The following ATRNL1 variants were observed in gnomAD, a reference collection of about 807,000 sequenced individuals.
The protein encoded by ATRNL1 is attractin-like protein 1.
In ATRNL1, 95 loss-of-function variants were observed where a neutral mutation model predicts 182.7. The observed-to-expected ratio is 0.52, with a 90% CI of 0.44 to 0.62. The LOEUF (loss-of-function observed/expected upper bound fraction) is 0.62, where lower values mean the gene tolerates loss of function less well. ATRNL1 is among the 20% of genes least tolerant of loss of function. The probability of loss-of-function intolerance (pLI) is 0.00; values close to 1 mark genes in which losing one functional copy is unlikely to be tolerated. For missense variants in ATRNL1, 1,471 were observed against 1,679.5 expected (o/e 0.88, Z 2.17); for synonymous variants, 576 against 568.3 (o/e 1.01, Z -0.19).
At chr10:115,893,711 G>A (rs1952136101) in intron 28 of ATRNL1, among the ~76,000 whole-genome samples, 1 of 152,178 alleles carries the variant, frequency 6.6e-6, no homozygotes, top group Non-Finnish European at 1.5e-5. Context: ...CGGCTGGGCA[G>A]CAGAGGTGGC....
Position 115,286,196 on chromosome 10 carries a change from C to T in ATRNL1, c.2234-20C>T, listed in dbSNP as rs1852603705. ...GCTTTTTGGTAATCTAACAATAAGA[C>T]ACATTTTTTTTCTTACTAGCTCATC... On this transcript the variant is annotated intron_variant, in intron 14 of 28. Transcript: ENST00000355044. 1 of 1,296,486 alleles carries T rather than the reference C, an allele frequency of 7.7e-7. No homozygotes were observed. Among genetic ancestry groups the T allele is most frequent in the Non-Finnish European group, 1.1e-6 (1 of 914,792 alleles). The allele number at this position is 1,296,486 out of a possible 1,614,324, so 80.3% of individuals were successfully genotyped here.
intron 28 of ATRNL1, among the ~76,000 whole-genome samples, chr10:115,875,530 A>G (rs1478705011): frequency 6.6e-6 from 1 of 152,234 alleles, no homozygotes; most frequent in Non-Finnish European, 1.5e-5. Context: ...TCAGTCTCTG[A>G]GACAAAATAG....
At chr10:115,478,529 A>G (rs116488829) in intron 24 of ATRNL1, among the ~76,000 whole-genome samples, 126 of 151,736 alleles carry the variant, frequency 8.3e-4, no homozygotes, top group African/African-American at 2.9e-3. Context: ...TTTCCTTTAA[A>G]TCTCTTTCTT....
At chr10:115,682,459 C>T (rs929863725) in intron 26 of ATRNL1, among the ~76,000 whole-genome samples, 4 of 152,094 alleles carry the variant, frequency 2.6e-5, no homozygotes, top group African/African-American at 7.2e-5. Flanking sequence ...ATTGCTTAAA[C>T]CTGGTTGGGG....
At chr10:115,535,105 G>A (rs1178588470) in intron 25 of ATRNL1, among the ~76,000 whole-genome samples, 37 of 150,592 alleles carry the variant, frequency 2.5e-4, no homozygotes, top group Non-Finnish European at 4.3e-4. Context: ...CTCTTCTCGA[G>A]GAGTATCTTT....
At chr10:115,096,768 G>A (rs577398030) in intron 1 of ATRNL1, 3 of 1,264,130 alleles carry the variant, frequency 2.4e-6, no homozygotes, top group Non-Finnish European at 3.1e-6. Context: ...TCTTAGCATT[G>A]ATTCCAGTCT....
In ATRNL1 at chr10:115,118,155, G is replaced by T. The variant is rs527740905; in HGVS notation, c.294-2030G>T. Among the ~76,000 whole-genome samples, 68 of 152,166 alleles carry T rather than the reference G, an allele frequency of 4.5e-4. 3 individuals carry two copies. In the South Asian group the frequency reaches 0.013, roughly 30 times the overall value. On this transcript the variant is annotated intron_variant, in intron 1 of 28. Transcript: ENST00000355044. ...AATATTTTCTCCCATTCTGTGGGTTGTCTCTTCATGTTGCTGTTTCCTTTG... is the reference window on the plus strand; with the variant it reads ...AATATTTTCTCCCATTCTGTGGGTTTTCTCTTCATGTTGCTGTTTCCTTTG...
At chr10:115,421,925 G>A (rs1025437115) in intron 20 of ATRNL1, among the ~76,000 whole-genome samples, 4 of 152,046 alleles carry the variant, frequency 2.6e-5, no homozygotes, top group African/African-American at 9.7e-5. Context: ...CAATGAAGCT[G>A]ACAAAAACAA....
intron 27 of ATRNL1, among the ~76,000 whole-genome samples, chr10:115,777,099 T>C (rs1555078143): frequency 6.6e-6 from 1 of 152,118 alleles, no homozygotes; most frequent in Admixed American, 6.6e-5. Flanking sequence ...TGTGATGAGG[T>C]TGTGATAAAG....
intron 27 of ATRNL1, among the ~76,000 whole-genome samples, chr10:115,807,751 T>C (rs1308484091): frequency 6.6e-6 from 1 of 152,164 alleles, no homozygotes; most frequent in Non-Finnish European, 1.5e-5. Flanking sequence ...GACTCTATTG[T>C]TTATCTAGTT....
chr10:115,361,075 T>A (rs1166489347), intron 19 of ATRNL1, among the ~76,000 whole-genome samples: 1 of 151,910 alleles, frequency 6.6e-6, no homozygotes, highest in Non-Finnish European at 1.5e-5. Flanking sequence ...ATTTTATCCT[T>A]TACAATGAAT....
intron 25 of ATRNL1, among the ~76,000 whole-genome samples, chr10:115,536,649 G>A (rs1454283046): frequency 1.3e-5 from 2 of 152,208 alleles, no homozygotes; most frequent in Non-Finnish European, 2.9e-5. Context: ...GCACTCCCTA[G>A]TGAGATGAAC....
At chr10:115,137,948 T>C (rs1266312433) in intron 5 of ATRNL1, among the ~76,000 whole-genome samples, 1 of 152,202 alleles carries the variant, frequency 6.6e-6, no homozygotes, top group East Asian at 1.9e-4. Context: ...AGTTAGTTAC[T>C]TCCTAGATAA....
At chr10:115,882,220 C>CT (rs1256294732) in intron 28 of ATRNL1, among the ~76,000 whole-genome samples, 5 of 152,190 alleles carry the variant, frequency 3.3e-5, no homozygotes, top group African/African-American at 1.2e-4. Flanking sequence ...TGAATAAACA[C>CT]TGAGAGCTGA....
At chr10:115,370,790 A>G (rs994551666) in intron 19 of ATRNL1, among the ~76,000 whole-genome samples, 6 of 152,258 alleles carry the variant, frequency 3.9e-5, no homozygotes, top group South Asian at 2.1e-4. Context: ...AGAAATTTGC[A>G]TAAGTAATGA....
At chr10:115,695,612 A>G (rs1266911713) in intron 26 of ATRNL1, among the ~76,000 whole-genome samples, 5 of 152,180 alleles carry the variant, frequency 3.3e-5, no homozygotes, top group Non-Finnish European at 5.9e-5. Context: ...TATTAGAACT[A>G]TATCATCATT....
intron 26 of ATRNL1, among the ~76,000 whole-genome samples, chr10:115,675,347 G>A (rs1199162636): frequency 6.6e-6 from 1 of 152,072 alleles, no homozygotes; most frequent in Non-Finnish European, 1.5e-5. Context: ...TCCAGCCTGG[G>A]CAACAGAGCA....
At chr10:115,579,010 C>T (rs1284761435) in intron 26 of ATRNL1, among the ~76,000 whole-genome samples, 2 of 150,904 alleles carry the variant, frequency 1.3e-5, no homozygotes, top group East Asian at 4.0e-4. Context: ...TGTGAACTTT[C>T]CCATTTTTCT....
intron 3 of ATRNL1, among the ~76,000 whole-genome samples, chr10:115,124,157 G>A (rs1844863110): frequency 6.6e-6 from 1 of 152,058 alleles, no homozygotes; most frequent in Admixed American, 6.6e-5. Flanking sequence ...GTTCCAAAAA[G>A]GTTGGGGATT....
Sources: gnomAD v4.1 joint callset for allele counts (sites outside exome capture counted in the v4.1 genomes callset) on GRCh38, gnomAD v4.1.1 for gene constraint, MANE v1.5 for transcripts, NCBI Gene and HGNC (gene_info 2026-07-23, HGNC 2026-07-21) for gene names.